EYA4: variants seen among roughly 807,000 people sequenced by gnomAD.
The protein encoded by EYA4 is EYA transcriptional coactivator and phosphatase 4, also known as protein phosphatase EYA4.
In EYA4, 31 loss-of-function variants were observed where a neutral mutation model predicts 87.9. The observed-to-expected ratio is 0.35, with a 90% CI of 0.27 to 0.48. The LOEUF is 0.48. EYA4 is among the 20% of genes least tolerant of loss of function. The pLI is 0.99. For synonymous variants in EYA4, 263 were observed against 270.6 expected, an observed-to-expected ratio of 0.97 and a Z score of 0.28; for missense variants, 678 against 761.4, an observed-to-expected ratio of 0.89 and a Z score of 1.29.
intron 4 of EYA4, 47 bp from the exon 5 acceptor site, chr6:133,448,064 T>A: frequency 7.1e-7 from 1 of 1,405,916 alleles, no homozygotes; most frequent in Non-Finnish European, 1.0e-6. Context: ...TCATATCCAC[T>A]CAGCAGGCAT....
chr6:133,372,567 T>C (rs1208197215), intron 2 of EYA4, among the ~76,000 whole-genome samples: 1 of 151,144 alleles, frequency 6.6e-6, no homozygotes, highest in Non-Finnish European at 1.5e-5. Context: ...CAGCATGCTA[T>C]AAATACATTT....
intron 3 of EYA4, among the ~76,000 whole-genome samples, chr6:133,402,619 G>A (rs1261472298): frequency 6.6e-6 from 1 of 151,962 alleles, no homozygotes. Flanking sequence ...TCATTTTGAT[G>A]AGGCACTGTG....
At chr6:133,352,434 CTTAATA>C in intron 2 of EYA4, among the ~76,000 whole-genome samples, 1 of 151,964 alleles carries the variant, frequency 6.6e-6, no homozygotes, top group East Asian at 1.9e-4. Context: ...CAATATAATA[CTTAATA>C]TTAAGTGAAA....
At chr6:133,480,614 G>A (rs757029305) in intron 11 of EYA4, among the ~76,000 whole-genome samples, 31 of 151,966 alleles carry the variant, frequency 2.0e-4, no homozygotes, top group Admixed American at 3.3e-4. Context: ...GATTACATAC[G>A]GATATAACAT....
chr6:133,399,104 G>T (rs1350528632), intron 3 of EYA4, among the ~76,000 whole-genome samples: 2 of 152,278 alleles, frequency 1.3e-5, no homozygotes, highest in East Asian at 3.9e-4. Flanking sequence ...ACTGGATCAT[G>T]CTAAATTCAG....
At chr6:133,404,537 T>C (rs187247571) in intron 3 of EYA4, among the ~76,000 whole-genome samples, 1 of 152,312 alleles carries the variant, frequency 6.6e-6, no homozygotes, top group African/African-American at 2.4e-5. Flanking sequence ...TACTACACTG[T>C]AGATTCTTCA....
chr6:133,356,708 T>C (rs1325000617), intron 2 of EYA4, among the ~76,000 whole-genome samples: 1 of 151,884 alleles, frequency 6.6e-6, no homozygotes, highest in Non-Finnish European at 1.5e-5. Context: ...AAGATTAGTT[T>C]ACTATCTATT....
At chr6:133,242,791 C>G (rs1255574117) in intron 1 of EYA4, among the ~76,000 whole-genome samples, 1 of 152,300 alleles carries the variant, frequency 6.6e-6, no homozygotes, top group African/African-American at 2.4e-5. Flanking sequence ...GTCATCTCTT[C>G]CCTGCTTGGG....
intron 1 of EYA4, among the ~76,000 whole-genome samples, chr6:133,244,512 T>A (rs575963538): frequency 6.6e-6 from 1 of 151,950 alleles, no homozygotes; most frequent in Admixed American, 6.6e-5. Flanking sequence ...AGAGGGTTTC[T>A]AGAAGCTGGA....
At chr6:133,419,921 A>G (rs1790073049) in intron 3 of EYA4, among the ~76,000 whole-genome samples, 1 of 152,216 alleles carries the variant, frequency 6.6e-6, no homozygotes, top group Admixed American at 6.5e-5. Flanking sequence ...TTTAAAACTC[A>G]GAAAATATGT....
rs2128799104 is a variant in EYA4 at position 133,518,485 on chromosome 6, T to G, written c.1616+3050T>G. Among the ~76,000 whole-genome samples the G allele has an allele frequency of 2.0e-5, 3 of 152,288 alleles. No individual in the cohort carries two copies. In the East Asian group the frequency reaches 5.8e-4, roughly 29 times the overall value. On this transcript the variant is annotated intron_variant, in intron 17 of 19. Coordinates refer to ENST00000355286, the MANE Select transcript of EYA4 (RefSeq NM_004100.5). Reference sequence around the variant, plus strand: ...TTGCTTTTGCACCAACCCAATAGTTTTCACAAAATGCCTGGAATGTCAGAA... The same window carrying G: ...TTGCTTTTGCACCAACCCAATAGTTGTCACAAAATGCCTGGAATGTCAGAA...
intron 2 of EYA4, among the ~76,000 whole-genome samples, chr6:133,361,160 C>T (rs1784421228): frequency 6.6e-6 from 1 of 152,154 alleles, no homozygotes; most frequent in Non-Finnish European, 1.5e-5. Context: ...TGTCCATTGT[C>T]GTTGTCACAG....
At chr6:133,259,133 A>C (rs1775586704) in intron 1 of EYA4, among the ~76,000 whole-genome samples, 1 of 152,138 alleles carries the variant, frequency 6.6e-6, no homozygotes, top group African/African-American at 2.4e-5. Flanking sequence ...TGCATTTCCT[A>C]AGCAATTATG....
intron 13 of EYA4, 92 bp downstream of exon 13, chr6:133,483,207 T>C: frequency 1.1e-6 from 1 of 907,374 alleles, no homozygotes; most frequent in African/African-American, 1.7e-5. Flanking sequence ...CTTTTAAGTG[T>C]TTTTTTATTG....
intron 11 of EYA4, among the ~76,000 whole-genome samples, chr6:133,479,637 A>C (rs1204817706): frequency 6.6e-6 from 1 of 152,226 alleles, no homozygotes; most frequent in Non-Finnish European, 1.5e-5. Flanking sequence ...TTTAAAAATC[A>C]TGTAATTTAA....
In EYA4 at chr6:133,523,092, A is replaced by G. The variant is rs747398475; in HGVS notation, c.1653A>G (p.Gln551=). Residue 551 remains glutamine, a synonymous_variant, in exon 18 of 20, where the codon CAA becomes CAG. Transcript: ENST00000355286. The part of the protein sequence containing the change: ...NCINVLVTTT[Q]LIPALAKVLL... ...TAAATGTCTTGGTAACGACAACTCAACTGATCCCAGCACTTGCGAAGGTTC... is the reference window on the plus strand; with the variant it reads ...TAAATGTCTTGGTAACGACAACTCAGCTGATCCCAGCACTTGCGAAGGTTC... 6.8e-5 allele frequency: 109 copies of G among 1,612,542 alleles called. No individual in the cohort carries two copies. The highest frequency in any genetic ancestry group is 8.5e-5 in the Non-Finnish European group (100 of 1,178,912).
intron 1 of EYA4, among the ~76,000 whole-genome samples, chr6:133,260,617 T>C (rs1018186737): frequency 2.0e-5 from 3 of 152,232 alleles, no homozygotes; most frequent in Non-Finnish European, 4.4e-5. Context: ...CCCTGGAGTC[T>C]AGGGATTTCA....
At chr6:133,391,609 C>T (rs115605912) in intron 3 of EYA4, among the ~76,000 whole-genome samples, 17 of 152,134 alleles carry the variant, frequency 1.1e-4, no homozygotes, top group African/African-American at 4.1e-4. Context: ...CATTTGACTT[C>T]TTTAGCCACC....
intron 2 of EYA4, among the ~76,000 whole-genome samples, chr6:133,353,987 T>C (rs966781130): frequency 4.6e-5 from 7 of 152,216 alleles, no homozygotes; most frequent in Admixed American, 4.6e-4. Flanking sequence ...TTAGTACTCA[T>C]GTGAGGGAAG....
Sources: gnomAD v4.1 joint callset for allele counts (sites outside exome capture counted in the v4.1 genomes callset) on GRCh38, gnomAD v4.1.1 for gene constraint, MANE v1.5 for transcripts, NCBI Gene and HGNC (gene_info 2026-07-23, HGNC 2026-07-21) for gene names.